The following FBN2 variants were observed in gnomAD, a reference collection of about 807,000 sequenced individuals.
FBN2 encodes fibrillin-2.
Under a neutral mutation model 355.6 loss-of-function variants are expected in FBN2, and 105 were observed. The observed-to-expected ratio is 0.30, with a 90% CI of 0.25 to 0.35. The LOEUF (loss-of-function observed/expected upper bound fraction) is 0.35, where lower values mean the gene tolerates loss of function less well. Ranked by LOEUF, FBN2 falls within the 10% of genes least tolerant of loss-of-function variation. The pLI, the probability that FBN2 is intolerant of heterozygous loss-of-function variation, is 1.00. For synonymous variants in FBN2, 1,350 were observed against 1,301.2 expected (o/e 1.04, Z -0.81); for missense variants, 3,280 against 3,758.7 (o/e 0.87, Z 3.33).
intron 46 of FBN2, among the ~76,000 whole-genome samples, chr5:128,302,261 C>T (rs1177114954): frequency 3.9e-5 from 6 of 152,134 alleles, no homozygotes; most frequent in African/African-American, 7.2e-5. Context: ...CAGGGCCATG[C>T]GAATTACAAC....
Position 128,390,396 on chromosome 5 carries a change from C to T in FBN2, c.1603+1622G>A, listed in dbSNP as rs1035414775. ...TACTTTTTTTTTTTAATCATGTTAA[C>T]ATTTTCTCTGATGGCACAAGAGCAA... On this transcript the variant is annotated intron_variant, in intron 11 of 64. Transcript: ENST00000262464. Among the ~76,000 whole-genome samples, 10 of 151,728 alleles carry T rather than the reference C, an allele frequency of 6.6e-5. No individual in the cohort carries two copies. In the East Asian group the frequency reaches 9.7e-4, roughly 15 times the overall value.
chr5:128,345,599 A>G lies in FBN2; in HGVS notation c.2990-15T>C, dbSNP rs1751158513. Reference sequence around the variant, plus strand: ...CATGCGAATATCTACACCGAGAACGAAATCACAGGGTGAGAATGAGTTGAA... The same window carrying G: ...CATGCGAATATCTACACCGAGAACGGAATCACAGGGTGAGAATGAGTTGAA... On this transcript the variant is annotated splice_polypyrimidine_tract_variant and intron_variant, in intron 23 of 64. Transcript: ENST00000262464. The G allele has an allele frequency of 6.2e-7, 1 of 1,601,492 alleles. No individual in the cohort carries two copies. Among genetic ancestry groups the G allele is most frequent in the Non-Finnish European group, 8.6e-7 (1 of 1,168,538 alleles).
intron 20 of FBN2, among the ~76,000 whole-genome samples, chr5:128,352,952 C>T (rs758133585): frequency 9.9e-5 from 15 of 152,034 alleles, no homozygotes; most frequent in South Asian, 4.1e-4. Context: ...GCAGTCGGAT[C>T]GCTGGAGCCC....
At position 128,277,861 on chromosome 5, in the gene FBN2, T is replaced by A; in HGVS notation, c.7471+19A>T. 1 of 1,614,024 alleles carries A rather than the reference T, an allele frequency of 6.2e-7. No homozygotes were observed. The highest frequency in any genetic ancestry group is 8.5e-7 in the Non-Finnish European group (1 of 1,179,906). On this transcript the variant is annotated intron_variant, in intron 58 of 64. Coordinates refer to ENST00000262464, the MANE Select transcript of FBN2 (RefSeq NM_001999.4). ...TGATTAGCCCCCAAACCCCTGGATA[T>A]AGAGGTGCCCATCGTTACCTATACA...
intron 7 of FBN2, among the ~76,000 whole-genome samples, chr5:128,413,099 G>C (rs1197590169): frequency 6.6e-6 from 1 of 152,176 alleles, no homozygotes; most frequent in African/African-American, 2.4e-5. Flanking sequence ...TGGGATGTTT[G>C]AGAGAAACCA....
At position 128,259,671 on chromosome 5, in the gene FBN2, A is replaced by G; in HGVS notation, c.8523T>C (p.Asp2841=). ...HIRYVISQGN[D]DSVFRIHQRN... ...TTTGGTGGATGCGGAAGACGCTGTC[A>G]TCGTTCCCTTGAGAGATGACATAAC... is the stretch of plus-strand genomic sequence containing the variant. Residue 2841 remains aspartate (D), a synonymous_variant, in exon 65 of 65, where the codon GAT becomes GAC. Coordinates refer to ENST00000262464, the MANE Select transcript of FBN2 (RefSeq NM_001999.4). The G allele has an allele frequency of 6.2e-7, 1 of 1,614,044 alleles. No individual in the cohort carries two copies. The highest frequency in any genetic ancestry group is 1.1e-5 in the South Asian group (1 of 91,060).
intron 7 of FBN2, among the ~76,000 whole-genome samples, chr5:128,423,091 AG>A (rs1397851812): frequency 6.6e-6 from 1 of 152,080 alleles, no homozygotes; most frequent in African/African-American, 2.4e-5. Flanking sequence ...CAGCAGAAAT[AG>A]TGAAAGGTAG....
chr5:128,520,046 G>A (rs1381237701), intron 4 of FBN2, among the ~76,000 whole-genome samples: 1 of 152,152 alleles, frequency 6.6e-6, no homozygotes, highest in Non-Finnish European at 1.5e-5. Context: ...AGCATAATAT[G>A]TTTTTTCATA....
intron 11 of FBN2, among the ~76,000 whole-genome samples, chr5:128,388,925 A>G (rs1245131735): frequency 6.6e-6 from 1 of 152,164 alleles, no homozygotes; most frequent in Non-Finnish European, 1.5e-5. Flanking sequence ...ATATCTTCAA[A>G]TATGTTTTCC....
At chr5:128,288,979 T>C (rs904422816) in intron 52 of FBN2, 148 bp downstream of exon 52, 3 of 790,930 alleles carry the variant, frequency 3.8e-6, no homozygotes, top group Admixed American at 2.0e-5. Flanking sequence ...GACTGGAAAA[T>C]GTAAGACTGG....
At chr5:128,305,257 T>C (rs112218094) in intron 44 of FBN2, among the ~76,000 whole-genome samples, 175 bp from the exon 45 acceptor site, 15 of 152,316 alleles carry the variant, frequency 9.8e-5, no homozygotes, top group African/African-American at 3.4e-4. Flanking sequence ...CCTCTTTTTT[T>C]AATCATGCAA....
In FBN2 at chr5:128,335,512, A is replaced by G; in HGVS notation, c.3790T>C (p.Tyr1264His). ...DTQCTNSEGS[Y>H]ECSCSEGYAL... is the part of the protein sequence containing the mutation. Reference sequence around the variant, plus strand: ...TAACCCTCACTGCAGCTGCATTCGTAGCTTCCCTCTGAATTTGTGCACTGG... The same window carrying G: ...TAACCCTCACTGCAGCTGCATTCGTGGCTTCCCTCTGAATTTGTGCACTGG... Residue 1264 changes from tyrosine (Y) to histidine (H), a missense_variant, in exon 29 of 65, where the codon TAC becomes CAC. Physicochemically the swap from Tyr to His is moderately conservative, Grantham distance 83. Transcript: ENST00000262464. 1 of 1,614,130 alleles carries G rather than the reference A, an allele frequency of 6.2e-7. No homozygotes were observed. Among genetic ancestry groups the G allele is most frequent in the Admixed American group, 1.7e-5 (1 of 60,022 alleles).
intron 30 of FBN2, 33 bp from the exon 31 acceptor site, chr5:128,334,877 G>T: frequency 6.4e-7 from 1 of 1,569,856 alleles, no homozygotes; most frequent in Non-Finnish European, 8.8e-7. Context: ...CTTAGTATGT[G>T]CTCATCACAG....
At chr5:128,409,732 A>G (rs1163846632) in intron 7 of FBN2, among the ~76,000 whole-genome samples, 1 of 152,200 alleles carries the variant, frequency 6.6e-6, no homozygotes, top group Non-Finnish European at 1.5e-5. Context: ...AAACAACAAT[A>G]AAAGCCATAC....
At chr5:128,403,176 C>G (rs979354352) in intron 8 of FBN2, among the ~76,000 whole-genome samples, 1 of 151,836 alleles carries the variant, frequency 6.6e-6, no homozygotes, top group Non-Finnish European at 1.5e-5. Flanking sequence ...GTACCTTGCC[C>G]TTTTCTTGAA....
chr5:128,441,318 A>G (rs537793732), intron 7 of FBN2, among the ~76,000 whole-genome samples: 96 of 152,320 alleles, frequency 6.3e-4, no homozygotes, highest in African/African-American at 2.1e-3. Flanking sequence ...TTTCCCCGTC[A>G]GTGCAGTCCC....
intron 5 of FBN2, among the ~76,000 whole-genome samples, chr5:128,469,674 G>A (rs1754804500): frequency 6.6e-6 from 1 of 152,178 alleles, no homozygotes; most frequent in African/African-American, 2.4e-5. Flanking sequence ...AGTGGAACCA[G>A]AAATTGTACA....
chr5:128,349,926 T>A (rs933147058), intron 22 of FBN2, 29 bp downstream of exon 22: 7 of 1,550,330 alleles, frequency 4.5e-6, no homozygotes, highest in Non-Finnish European at 6.2e-6. Flanking sequence ...AAAAGATGTA[T>A]AGTATCTTCC....
chr5:128,307,329 A>C, intron 41 of FBN2, 126 bp from the exon 42 acceptor site: 1 of 707,382 alleles, frequency 1.4e-6, no homozygotes, highest in Non-Finnish European at 2.5e-6. Context: ...GATTTCAATT[A>C]TATTTATTTG....
Sources: allele counts gnomAD v4.1 joint callset (sites outside exome capture counted in the v4.1 genomes callset), GRCh38; gene constraint gnomAD v4.1.1; transcripts MANE v1.5; gene names NCBI Gene and HGNC (gene_info 2026-07-23, HGNC 2026-07-21).